The following AP1S3 variants were observed in gnomAD, a reference collection of about 807,000 sequenced individuals.
AP1S3 encodes adaptor related protein complex 1 subunit sigma 3, also known as AP-1 complex subunit sigma-3.
In AP1S3, 10 loss-of-function variants were observed where a neutral mutation model predicts 20.9. The observed-to-expected ratio is 0.48, with a 90% CI of 0.29 to 0.81. The LOEUF (loss-of-function observed/expected upper bound fraction) is 0.81. Ranked by LOEUF, AP1S3 falls within the 30% of genes least tolerant of loss-of-function variation. The probability of loss-of-function intolerance (pLI) is 0.08; values close to 1 mark genes in which losing one functional copy is unlikely to be tolerated. For synonymous variants in AP1S3, 41 were observed against 61.5 expected, an observed-to-expected ratio of 0.67 and a Z score of 1.56; for missense variants, 154 against 183.8, an observed-to-expected ratio of 0.84 and a Z score of 0.94.
At chr2:223,794,765 C>G (rs1691295496) in intron 1 of AP1S3, among the ~76,000 whole-genome samples, 3 of 152,184 alleles carry the variant, frequency 2.0e-5, no homozygotes, top group South Asian at 2.1e-4. Flanking sequence ...CATCTGAAAG[C>G]CACAAGACTA....
intron 3 of AP1S3, among the ~76,000 whole-genome samples, chr2:223,772,730 G>A (rs1159618600): frequency 6.6e-6 from 1 of 152,138 alleles, no homozygotes; most frequent in Admixed American, 6.5e-5. Context: ...ATTTTCCAGT[G>A]TTATAAGAGA....
chr2:223,808,348 G>A (rs1010560478), intron 1 of AP1S3, among the ~76,000 whole-genome samples: 1 of 152,180 alleles, frequency 6.6e-6, no homozygotes, highest in Middle Eastern at 3.2e-3. Context: ...ACTCCTCTGC[G>A]AGGGCCCCTC....
At chr2:223,816,820 C>T (rs925219851) in intron 1 of AP1S3, among the ~76,000 whole-genome samples, 2 of 152,196 alleles carry the variant, frequency 1.3e-5, no homozygotes, top group African/African-American at 4.8e-5. Context: ...TCCCCCATAA[C>T]TTGCCAATTA....
At chr2:223,771,030 C>T (rs1163236238) in intron 3 of AP1S3, among the ~76,000 whole-genome samples, 1 of 152,032 alleles carries the variant, frequency 6.6e-6, no homozygotes, top group Non-Finnish European at 1.5e-5. Context: ...CCACCGTTCC[C>T]AGTCCCAAGT....
intron 1 of AP1S3, among the ~76,000 whole-genome samples, chr2:223,792,677 C>CA (rs1204707915): frequency 6.6e-6 from 1 of 151,926 alleles, no homozygotes; most frequent in African/African-American, 2.4e-5. Flanking sequence ...GATTTCATGA[C>CA]AAAAATGCCA....
rs1344908046 is a variant in AP1S3, at chr2:223,777,883, C to A, written c.4-14G>T. Reference sequence around the variant, plus strand: ...TATGAAATGTATCTAGAACAAAGGACACAAAAAACAGAACCTGATCAACCA... The same window carrying A: ...TATGAAATGTATCTAGAACAAAGGAAACAAAAAACAGAACCTGATCAACCA... On this transcript the variant is annotated splice_polypyrimidine_tract_variant and intron_variant, in intron 1 of 4. Coordinates refer to ENST00000396654, the MANE Select transcript of AP1S3 (RefSeq NM_001039569.2). The A allele has an allele frequency of 1.3e-6, 2 of 1,599,080 alleles. No homozygotes were observed. Among genetic ancestry groups the A allele is most frequent in the Admixed American group, 1.8e-5 (1 of 56,944 alleles).
At chr2:223,808,040 T>C (rs1691629283) in intron 1 of AP1S3, among the ~76,000 whole-genome samples, 1 of 151,676 alleles carries the variant, frequency 6.6e-6, no homozygotes, top group African/African-American at 2.4e-5. Flanking sequence ...CAGGCACAGA[T>C]CACCACGCCC....
At chr2:223,780,812 T>C (rs1366270913) in intron 1 of AP1S3, among the ~76,000 whole-genome samples, 3 of 152,096 alleles carry the variant, frequency 2.0e-5, no homozygotes, top group Admixed American at 1.3e-4. Context: ...CTGTGTTAGA[T>C]TCAGGAGTAT....
intron 4 of AP1S3, among the ~76,000 whole-genome samples, chr2:223,762,013 C>T (rs1369247150): frequency 6.6e-6 from 1 of 152,130 alleles, no homozygotes; most frequent in Non-Finnish European, 1.5e-5. Context: ...CACTCTGCCG[C>T]CCAGGCTAGA....
At chr2:223,834,714 A>G (rs1559150500) in intron 1 of AP1S3, among the ~76,000 whole-genome samples, 1 of 152,128 alleles carries the variant, frequency 6.6e-6, no homozygotes, top group Non-Finnish European at 1.5e-5. Flanking sequence ...CTGTGATCAC[A>G]CCACTGCACT....
chr2:223,825,343 T>TG lies in AP1S3; in HGVS notation c.3+12104dup, dbSNP rs554017099. Among the ~76,000 whole-genome samples the TG allele has an allele frequency of 8.8e-3, 1,337 of 151,598 alleles. 15 individuals are homozygous for TG. Among genetic ancestry groups the TG allele is most frequent in the Non-Finnish European group, 0.014 (975 of 67,902 alleles). On this transcript the variant is annotated intron_variant, in intron 1 of 4. Transcript: ENST00000396654. ...AAAAAGAAAAGAAAACAGTTCCTCATGGTCGACCTTCACCCAGTTCTCCTC... is the reference window on the plus strand; with the variant it reads ...AAAAAGAAAAGAAAACAGTTCCTCATGGGTCGACCTTCACCCAGTTCTCCTC...
rs1334992822 is a variant in AP1S3 at position 223,832,812 on chromosome 2, T to TTC, written c.3+4635_3+4636insGA. ...AGGAATTTTTTTTCTTTTTTCTTTT[T>TTC]TTTTTTTTTTTTTAGGAGAAGGGTG... is the stretch of plus-strand genomic sequence containing the variant. On this transcript the variant is annotated intron_variant, in intron 1 of 4. Coordinates refer to ENST00000396654, the MANE Select transcript of AP1S3 (RefSeq NM_001039569.2). Among the ~76,000 whole-genome samples the TTC allele has an allele frequency of 1.4e-4, 21 of 148,666 alleles. 1 individual carries two copies. The highest frequency in any genetic ancestry group is 4.2e-4 in the African/African-American group (17 of 40,634).
chr2:223,832,719 A>G (rs1438107978), intron 1 of AP1S3, among the ~76,000 whole-genome samples: 3 of 151,980 alleles, frequency 2.0e-5, no homozygotes, highest in African/African-American at 7.2e-5. Context: ...GCGTGGCAGG[A>G]CCTACAGGTT....
At chr2:223,783,417 G>T (rs1268873419) in intron 1 of AP1S3, among the ~76,000 whole-genome samples, 1 of 152,162 alleles carries the variant, frequency 6.6e-6, no homozygotes, top group Non-Finnish European at 1.5e-5. Flanking sequence ...AGCTTTCTTT[G>T]TCCTCAGAGT....
chr2:223,831,023 AT>A (rs892408793), intron 1 of AP1S3, among the ~76,000 whole-genome samples: 7 of 151,606 alleles, frequency 4.6e-5, no homozygotes, highest in Admixed American at 2.0e-4. Context: ...CAAGAAATAC[AT>A]TTTTTTTTCT....
Position 223,757,953 on chromosome 2 carries a change from A to C in AP1S3, c.*762T>G, listed in dbSNP as rs187327893. On this transcript the variant is annotated 3_prime_UTR_variant, in exon 5 of 5. Transcript: ENST00000396654. ...CATACTATTTTAGAATAATAAAGGA[A>C]GTCATAGATGCTGTATCTCTAGGTC... is the stretch of plus-strand genomic sequence containing the variant. 494 of 965,220 alleles carry C rather than the reference A, an allele frequency of 5.1e-4. No individual in the cohort carries two copies. In the African/African-American group the frequency reaches 8.2e-3, roughly 16 times the overall value. The allele number at this position is 965,220 out of a possible 1,614,324, so 59.8% of individuals were successfully genotyped here. A position where few individuals can be genotyped will look rare whatever the true frequency, so the allele number is the denominator to read the frequency against.
intron 4 of AP1S3, among the ~76,000 whole-genome samples, chr2:223,763,451 G>C (rs530009824): frequency 6.6e-6 from 1 of 151,966 alleles, no homozygotes; most frequent in Non-Finnish European, 1.5e-5. Context: ...TGTTTCTCCT[G>C]TAAGGAGACT....
chr2:223,831,999 C>T (rs772750949), intron 1 of AP1S3, among the ~76,000 whole-genome samples: 68 of 151,712 alleles, frequency 4.5e-4, no homozygotes, highest in Non-Finnish European at 8.2e-4. Flanking sequence ...ATGGCGTGAA[C>T]CCGGGAGGCA....
Position 223,757,108 on chromosome 2 carries a change from G to T in AP1S3, c.*1607C>A. The T allele has an allele frequency of 3.4e-6, 2 of 582,274 alleles. No individual in the cohort carries two copies. Among genetic ancestry groups the T allele is most frequent in the Non-Finnish European group, 4.3e-6 (2 of 462,006 alleles). The allele number at this position is 582,274 out of a possible 1,614,324, so 36.1% of individuals were successfully genotyped here. On this transcript the variant is annotated 3_prime_UTR_variant, in exon 5 of 5. Transcript: ENST00000396654. Reference sequence around the variant, plus strand: ...GGGTTCAAGCCATTCCCCTGCCTCAGCCCCCTGAGTAGCTGGGATTACAGG... The same window carrying T: ...GGGTTCAAGCCATTCCCCTGCCTCATCCCCCTGAGTAGCTGGGATTACAGG...
Sources: gnomAD v4.1 joint callset for allele counts (sites outside exome capture counted in the v4.1 genomes callset) on GRCh38, gnomAD v4.1.1 for gene constraint, MANE v1.5 for transcripts, NCBI Gene and HGNC (gene_info 2026-07-23, HGNC 2026-07-21) for gene names.